Variants in FGF13 observed in about 807,000 individuals in gnomAD.
FGF13 encodes the protein fibroblast growth factor homologous factor 2.
Under a neutral mutation model 19.5 loss-of-function variants are expected in FGF13, and 2 were observed. That is an observed-to-expected ratio of 0.10 (90% CI 0.04 to 0.32). FGF13 has a LOEUF of 0.32. FGF13 is among the 10% of genes least tolerant of loss of function. FGF13 has a pLI of 1.00. For synonymous variants in FGF13, 72 were observed against 76.9 expected, an observed-to-expected ratio of 0.94 and a Z score of 0.33; for missense variants, 113 against 192.7, an observed-to-expected ratio of 0.59 and a Z score of 2.45.
intron 1 of FGF13, among the ~76,000 whole-genome samples, chrX:138,944,169 C>T (rs1439754821): frequency 3.6e-5 from 4 of 111,173 alleles, no homozygotes; most frequent in Admixed American, 2.9e-4. Flanking sequence ...AATTCTGGTC[C>T]TCCTTGCCAT....
chrX:138,819,229 T>G lies in FGF13; in HGVS notation c.217+38283A>C, dbSNP rs191017659. On this transcript the variant is annotated intron_variant, in intron 3 of 6. Coordinates refer to the FGF13 transcript ENST00000436198. ...TATCCTTTTCTGTAAATTAAAAATA[T>G]TAATACCTACCTCAGTGGGGTTTTT... 4.4e-4 allele frequency among the ~76,000 whole-genome samples: 49 copies of G among 111,233 alleles called. 1 individual carries two copies. Among genetic ancestry groups the G allele is most frequent in the South Asian group, 3.0e-3 (8 of 2,630 alleles).
chrX:138,931,762 T>A (rs2091702565), intron 1 of FGF13, among the ~76,000 whole-genome samples: 1 of 112,363 alleles, frequency 8.9e-6, no homozygotes, highest in Non-Finnish European at 1.9e-5. Context: ...ACCTCAAATG[T>A]ACTGTACTCA....
chrX:138,861,019 G>A (rs2091285675), intron 2 of FGF13, among the ~76,000 whole-genome samples: 1 of 112,773 alleles, frequency 8.9e-6, no homozygotes, highest in African/African-American at 3.2e-5. Flanking sequence ...GAGGTGATAA[G>A]AATAAGTGAC....
At chrX:138,957,508 C>A (rs1466805804) in intron 1 of FGF13, among the ~76,000 whole-genome samples, 1 of 111,649 alleles carries the variant, frequency 9.0e-6, no homozygotes, top group Non-Finnish European at 1.9e-5. Context: ...AATGCAGGCT[C>A]TTTTTTGGTT....
intron 1 of FGF13, among the ~76,000 whole-genome samples, chrX:139,168,698 A>G (rs2084106200): frequency 8.9e-6 from 1 of 112,192 alleles, no homozygotes; most frequent in Non-Finnish European, 1.9e-5. Context: ...AAGGAGCTTT[A>G]ACTGCATCAG....
At chrX:139,072,276 TACACACAC>T (rs761988012) in intron 1 of FGF13, among the ~76,000 whole-genome samples, 1 of 99,075 alleles carries the variant, frequency 1.0e-5, no homozygotes, top group African/African-American at 3.7e-5. Context: ...TCTCTCTCTC[TACACACAC>T]ACACACACAC....
intron 1 of FGF13, among the ~76,000 whole-genome samples, chrX:139,007,617 C>T (rs1286097224): frequency 8.9e-6 from 1 of 112,449 alleles, no homozygotes; most frequent in Admixed American, 9.4e-5. Context: ...AGTTATAAAA[C>T]ATTCAAAAAA....
At chrX:139,014,787 T>A (rs2092146082) in intron 1 of FGF13, among the ~76,000 whole-genome samples, 1 of 111,587 alleles carries the variant, frequency 9.0e-6, no homozygotes, top group Admixed American at 9.5e-5. Context: ...TAGGCCACTA[T>A]TGCTGATGAA....
At chrX:138,753,187 C>T (rs996239723) in intron 3 of FGF13, among the ~76,000 whole-genome samples, 3 of 111,873 alleles carry the variant, frequency 2.7e-5, no homozygotes, top group Non-Finnish European at 3.8e-5. Flanking sequence ...TCAAGTTGTA[C>T]GTCAGCATGT....
At chrX:139,123,577 C>T (rs2083693346) in intron 1 of FGF13, among the ~76,000 whole-genome samples, 2 of 112,260 alleles carry the variant, frequency 1.8e-5, no homozygotes, top group African/African-American at 6.5e-5. Flanking sequence ...TAAAACAGCA[C>T]TCTAGGCACT....
chrX:139,119,488 A>C (rs1190472320), intron 1 of FGF13, among the ~76,000 whole-genome samples: 1 of 111,852 alleles, frequency 8.9e-6, no homozygotes, highest in East Asian at 2.8e-4. Flanking sequence ...GCGAAGTGAC[A>C]TAAGTTGTCC....
At chrX:139,028,655 GAGAGAGAGAA>G (rs1370772614) in intron 1 of FGF13, among the ~76,000 whole-genome samples, 3 of 62,196 alleles carry the variant, frequency 4.8e-5, no homozygotes, top group South Asian at 9.9e-4. Flanking sequence ...GTGTGTGAGA[GAGAGAGAGAA>G]AGAGAGAGTG....
Position 138,976,522 on chromosome X carries a change from T to C in FGF13, c.-112-111872A>G, listed in dbSNP as rs184021131. On this transcript the variant is annotated intron_variant, in intron 1 of 2. Coordinates refer to the FGF13 transcript ENST00000421460. ...GAGCATACAAAGGCATACAGAGCAATATAATGAGCTATAAAGACTCAGAAG... is the reference window on the plus strand; with the variant it reads ...GAGCATACAAAGGCATACAGAGCAACATAATGAGCTATAAAGACTCAGAAG... 2.7e-3 allele frequency among the ~76,000 whole-genome samples: 293 copies of C among 110,437 alleles called. 2 individuals carry two copies. Among genetic ancestry groups the C allele is most frequent in the African/African-American group, 9.1e-3 (275 of 30,355 alleles).
chrX:138,781,276 C>T (rs1371143928), intron 3 of FGF13, among the ~76,000 whole-genome samples: 1 of 108,631 alleles, frequency 9.2e-6, no homozygotes, highest in African/African-American at 3.4e-5. Context: ...CAAGAGCAAA[C>T]ACATTCAAAA....
intron 3 of FGF13, among the ~76,000 whole-genome samples, chrX:138,845,442 T>TA (rs2091174891): frequency 8.9e-6 from 1 of 112,187 alleles, no homozygotes; most frequent in Admixed American, 9.5e-5. Context: ...ATGTGTTAGA[T>TA]AAATAAGTTA....
chrX:138,929,418 G>A (rs767336039), intron 1 of FGF13, among the ~76,000 whole-genome samples: 22 of 110,831 alleles, frequency 2.0e-4, no homozygotes, highest in Non-Finnish European at 3.8e-4. Flanking sequence ...AGATCTAGGG[G>A]CAGGCTGTAA....
chrX:139,155,583 C>T (rs1381150114), intron 1 of FGF13, among the ~76,000 whole-genome samples: 2 of 112,070 alleles, frequency 1.8e-5, no homozygotes, highest in Non-Finnish European at 3.8e-5. Context: ...TGCAGCTAAC[C>T]GTGGACTACT....
intron 3 of FGF13, among the ~76,000 whole-genome samples, chrX:138,778,949 C>G (rs2090614644): frequency 8.9e-6 from 1 of 112,293 alleles, no homozygotes; most frequent in South Asian, 3.7e-4. Context: ...AGTGGTTCTT[C>G]CAGCACGAGC....
At chrX:138,938,992 A>G (rs2091745583) in intron 1 of FGF13, among the ~76,000 whole-genome samples, 1 of 112,170 alleles carries the variant, frequency 8.9e-6, no homozygotes, top group Non-Finnish European at 1.9e-5. Flanking sequence ...CCAAGGAAAG[A>G]GTCCATTAGG....
Sources: gnomAD v4.1 joint callset for allele counts (sites outside exome capture counted in the v4.1 genomes callset) on GRCh38, gnomAD v4.1.1 for gene constraint, MANE v1.5 for transcripts, NCBI Gene and HGNC (gene_info 2026-07-23, HGNC 2026-07-21) for gene names.